Variants in DPY19L1 observed in about 807,000 individuals in gnomAD.
DPY19L1 encodes the protein protein C-mannosyl-transferase DPY19L1.
DPY19L1 carries 35 observed loss-of-function variants against 96.9 expected under a neutral mutation model. The ratio of observed to expected loss-of-function variants is 0.36; its 90% CI spans 0.28 to 0.48. DPY19L1 has a LOEUF of 0.48. DPY19L1 is among the 20% of genes least tolerant of loss of function. DPY19L1 has a pLI of 0.99. For synonymous variants in DPY19L1, 205 were observed against 252.6 expected (o/e 0.81, Z 1.79); for missense variants, 521 against 777.9 (o/e 0.67, Z 3.93).
intron 1 of DPY19L1, among the ~76,000 whole-genome samples, chr7:35,030,730 A>T (rs329262): frequency 0.47 from 71,843 of 151,908 alleles, 17,417 homozygotes; most frequent in Admixed American, 0.61. Context: ...CACAAAATCA[A>T]GCTACAATAG....
Position 34,938,116 on chromosome 7 carries a change from G to C in DPY19L1, c.1968C>G (p.Ala656=), listed in dbSNP as rs1265828467. ...HPHYEDAGLR[A]RTKIVYSMYS... is the part of the protein sequence containing the mutation. ...ACATTGAGTATACTATTTTTGTTCTGGCTCTTTAAAGAAAAATAATTGGGC... is the reference window on the plus strand; with the variant it reads ...ACATTGAGTATACTATTTTTGTTCTCGCTCTTTAAAGAAAAATAATTGGGC... Residue 656 remains alanine, a synonymous_variant, in exon 21 of 22, where the codon GCC becomes GCG. Transcript: ENST00000638088. The C allele has an allele frequency of 6.2e-7, 1 of 1,610,752 alleles. No individual in the cohort carries two copies. The highest frequency in any genetic ancestry group is 8.5e-7 in the Non-Finnish European group (1 of 1,179,008).
chr7:35,003,083 G>A (rs1320208368), intron 6 of DPY19L1, among the ~76,000 whole-genome samples: 1 of 152,078 alleles, frequency 6.6e-6, no homozygotes, highest in Non-Finnish European at 1.5e-5. Flanking sequence ...AACCAACAAT[G>A]TTTTCAAGTC....
At chr7:34,981,273 AAATAT>A (rs1247606827) in intron 7 of DPY19L1, among the ~76,000 whole-genome samples, 4 of 152,332 alleles carry the variant, frequency 2.6e-5, no homozygotes, top group Admixed American at 6.5e-5. Context: ...AACCCTATGC[AAATAT>A]AATAAAATAA....
chr7:35,032,717 C>T (rs575172613), intron 1 of DPY19L1, among the ~76,000 whole-genome samples: 1 of 152,096 alleles, frequency 6.6e-6, no homozygotes, highest in East Asian at 1.9e-4. Flanking sequence ...AAACCCATTC[C>T]CTCATCCATA....
intron 14 of DPY19L1, among the ~76,000 whole-genome samples, chr7:34,948,002 A>T (rs1351264177): frequency 6.6e-6 from 1 of 152,128 alleles, no homozygotes; most frequent in Non-Finnish European, 1.5e-5. Flanking sequence ...CTTAATATTC[A>T]TCTAAGGTAT....
At chr7:35,000,008 C>T (rs1328857205) in intron 6 of DPY19L1, among the ~76,000 whole-genome samples, 2 of 152,156 alleles carry the variant, frequency 1.3e-5, no homozygotes, top group East Asian at 1.9e-4. Context: ...GGACCACTGA[C>T]GTACTTGATT....
intron 14 of DPY19L1, among the ~76,000 whole-genome samples, chr7:34,948,022 C>T (rs1784187937): frequency 6.6e-6 from 1 of 152,036 alleles, no homozygotes; most frequent in African/African-American, 2.4e-5. Flanking sequence ...TGTAAAGCTC[C>T]TTAAATGGAA....
Position 34,964,521 on chromosome 7 carries a change from G to A in DPY19L1, c.1092+2373C>T, listed in dbSNP as rs116175230. On this transcript the variant is annotated intron_variant, in intron 10 of 21. Coordinates refer to ENST00000638088, the MANE Select transcript of DPY19L1 (RefSeq NM_001366673.1). Reference sequence around the variant, plus strand: ...TCAACATGACAGCAAAGTGAATCCAGCGACATGCAAAAATTGTGTTTAGCC... The same window carrying A: ...TCAACATGACAGCAAAGTGAATCCAACGACATGCAAAAATTGTGTTTAGCC... Among the ~76,000 whole-genome samples, 889 of 152,214 alleles carry A rather than the reference G, an allele frequency of 5.8e-3. 10 individuals carry two copies. The highest frequency in any genetic ancestry group is 0.02 in the African/African-American group (829 of 41,548).
intron 20 of DPY19L1, among the ~76,000 whole-genome samples, chr7:34,938,820 A>C (rs1363298271): frequency 6.6e-6 from 1 of 152,132 alleles, no homozygotes; most frequent in Non-Finnish European, 1.5e-5. Flanking sequence ...AACATAAAAC[A>C]CCCAAGATCA....
At chr7:35,018,688 T>A in intron 1 of DPY19L1, 92 bp from the exon 2 acceptor site, 1 of 1,166,272 alleles carries the variant, frequency 8.6e-7, no homozygotes. Flanking sequence ...TGTCAAATAT[T>A]GAAATGTGTA....
chr7:34,958,158 T>C (rs905234822), intron 10 of DPY19L1, 88 bp from the exon 11 acceptor site: 2 of 829,960 alleles, frequency 2.4e-6, no homozygotes, highest in Admixed American at 3.6e-5. Flanking sequence ...ATGCCCATAA[T>C]AAACAAAATT....
chr7:34,973,266 G>A (rs967528278), intron 8 of DPY19L1, among the ~76,000 whole-genome samples: 39 of 137,302 alleles, frequency 2.8e-4, no homozygotes, highest in Middle Eastern at 3.5e-3. Flanking sequence ...GAAATGACAG[G>A]AGAAGTGAAA....
intron 6 of DPY19L1, among the ~76,000 whole-genome samples, chr7:34,992,164 T>C (rs1363442374): frequency 2.0e-5 from 3 of 152,170 alleles, no homozygotes; most frequent in Non-Finnish European, 1.5e-5. Context: ...CATGTGCTTT[T>C]CAAATTTTCT....
At chr7:34,945,848 T>A (rs1784134312) in intron 15 of DPY19L1, 132 bp from the exon 16 acceptor site, 1 of 666,168 alleles carries the variant, frequency 1.5e-6, no homozygotes, top group South Asian at 1.8e-5. Flanking sequence ...AAAATAATAA[T>A]CACAACAACA....
At chr7:34,958,144 G>T (rs1784418748) in intron 10 of DPY19L1, 74 bp from the exon 11 acceptor site, 4 of 976,310 alleles carry the variant, frequency 4.1e-6, no homozygotes, top group Non-Finnish European at 5.9e-6. Context: ...TGTGAAAACT[G>T]CACATGCCCA....
intron 1 of DPY19L1, among the ~76,000 whole-genome samples, chr7:35,022,362 G>A (rs1467365088): frequency 2.0e-5 from 3 of 152,162 alleles, no homozygotes; most frequent in Non-Finnish European, 4.4e-5. Flanking sequence ...CAATCCTTAT[G>A]GCTAAGAATT....
At chr7:34,966,122 A>G (rs1424171183) in intron 10 of DPY19L1, among the ~76,000 whole-genome samples, 2 of 151,722 alleles carry the variant, frequency 1.3e-5, no homozygotes, top group Non-Finnish European at 2.9e-5. Context: ...AGCCTCCCCA[A>G]GCCACCATAC....
At chr7:35,003,681 C>T (rs1422192539) in intron 6 of DPY19L1, among the ~76,000 whole-genome samples, 1 of 152,236 alleles carries the variant, frequency 6.6e-6, no homozygotes, top group Non-Finnish European at 1.5e-5. Flanking sequence ...AGGCTCATGA[C>T]GTTGCCTACT....
chr7:34,976,019 G>C (rs926957500), intron 7 of DPY19L1, among the ~76,000 whole-genome samples: 3 of 152,178 alleles, frequency 2.0e-5, no homozygotes, highest in Non-Finnish European at 2.9e-5. Flanking sequence ...CCTGCTAACA[G>C]AGCATCTATT....
Sources: gnomAD v4.1 joint callset for allele counts (sites outside exome capture counted in the v4.1 genomes callset) on GRCh38, gnomAD v4.1.1 for gene constraint, MANE v1.5 for transcripts, NCBI Gene and HGNC (gene_info 2026-07-23, HGNC 2026-07-21) for gene names.